The following ATP2B1 variants were observed in gnomAD, a reference collection of about 807,000 sequenced individuals.
ATP2B1 encodes ATPase plasma membrane Ca2+ transporting 1.
In ATP2B1, 14 loss-of-function variants were observed where a neutral mutation model predicts 124.2. That is an observed-to-expected ratio of 0.11 (90% CI 0.07 to 0.18). ATP2B1 has a LOEUF of 0.18. Ranked by LOEUF, ATP2B1 falls within the 10% of genes least tolerant of loss-of-function variation. The pLI, the probability that ATP2B1 is intolerant of heterozygous loss-of-function variation, is 1.00. For missense variants in ATP2B1, 763 were observed against 1,466.1 expected, an observed-to-expected ratio of 0.52 and a Z score of 7.83; for synonymous variants, 449 against 492.4, an observed-to-expected ratio of 0.91 and a Z score of 1.17.
chr12:89,610,811 T>C, intron 13 of ATP2B1: 1 of 352,712 alleles, frequency 2.8e-6, no homozygotes, highest in Non-Finnish European at 5.1e-6. Flanking sequence ...ATCCCCCTAC[T>C]GCCTATGAAA....
intron 1 of ATP2B1, among the ~76,000 whole-genome samples, chr12:89,707,353 A>G (rs1892589032): frequency 6.6e-6 from 1 of 152,214 alleles, no homozygotes. Flanking sequence ...CAAAAGCCTT[A>G]TTTTAAAATA....
chr12:89,629,483 A>T (rs751827437), intron 6 of ATP2B1, among the ~76,000 whole-genome samples: 3 of 152,196 alleles, frequency 2.0e-5, no homozygotes, highest in South Asian at 2.1e-4. Flanking sequence ...ATAGAAAAAA[A>T]ACCTAGAATG....
At chr12:89,637,791 G>A (rs1379031155) in intron 3 of ATP2B1, among the ~76,000 whole-genome samples, 1 of 152,026 alleles carries the variant, frequency 6.6e-6, no homozygotes, top group Non-Finnish European at 1.5e-5. Context: ...ATCATTTGGA[G>A]GTATGTGCTC....
chr12:89,683,086 A>C (rs1022413873), intron 1 of ATP2B1, among the ~76,000 whole-genome samples: 1 of 152,230 alleles, frequency 6.6e-6, no homozygotes, highest in Non-Finnish European at 1.5e-5. Flanking sequence ...ACTTCACTCA[A>C]AAGAGAAATG....
chr12:89,706,202 C>G (rs770419377), intron 1 of ATP2B1, among the ~76,000 whole-genome samples: 3 of 152,098 alleles, frequency 2.0e-5, no homozygotes, highest in Non-Finnish European at 4.4e-5. Flanking sequence ...CTAACATGGT[C>G]TTTATTAAAC....
chr12:89,651,769 T>C (rs1949281468), intron 2 of ATP2B1, among the ~76,000 whole-genome samples: 4 of 152,186 alleles, frequency 2.6e-5, no homozygotes, highest in South Asian at 4.1e-4. Context: ...TACAATGCAG[T>C]GGTTAAAGCA....
chr12:89,637,703 C>G (rs1324163153), intron 3 of ATP2B1, among the ~76,000 whole-genome samples: 1 of 152,026 alleles, frequency 6.6e-6, no homozygotes, highest in Non-Finnish European at 1.5e-5. Context: ...CCAGCTTTAT[C>G]TTTTACTTTC....
intron 7 of ATP2B1, 112 bp from the exon 8 acceptor site, chr12:89,626,727 G>A: frequency 4.0e-6 from 5 of 1,261,506 alleles, no homozygotes; most frequent in Non-Finnish European, 5.3e-6. Context: ...AAAGGTATAA[G>A]CATTCAGCTT....
intron 1 of ATP2B1, among the ~76,000 whole-genome samples, chr12:89,706,951 T>G (rs189546469): frequency 6.6e-6 from 1 of 152,124 alleles, no homozygotes; most frequent in Non-Finnish European, 1.5e-5. Context: ...AGGTAAAAAC[T>G]AAAACGTCCT....
intron 1 of ATP2B1, among the ~76,000 whole-genome samples, chr12:89,700,214 G>A (rs770915694): frequency 4.6e-5 from 7 of 152,158 alleles, no homozygotes; most frequent in Non-Finnish European, 7.4e-5. Context: ...GGGGTTGACT[G>A]ACGAATCCTT....
At chr12:89,602,111 C>T (rs1163538670) in intron 18 of ATP2B1, among the ~76,000 whole-genome samples, 1 of 151,958 alleles carries the variant, frequency 6.6e-6, no homozygotes, top group African/African-American at 2.4e-5. Flanking sequence ...TTCTAAAAGG[C>T]CTAAAATAGT....
In ATP2B1 at chr12:89,596,733, T is replaced by C. The variant is rs961555333; in HGVS notation, c.3351+2384A>G. Among the ~76,000 whole-genome samples the C allele has an allele frequency of 2.0e-5, 3 of 152,160 alleles. No homozygotes were observed. The East Asian group carries it at 5.8e-4, about 29-fold the overall frequency. Reference sequence around the variant, plus strand: ...TTAATTTTTCAACTTGTCTGTAGGTTTGAATTTTTCAAATTTAAAATTTTG... The same window carrying C: ...TTAATTTTTCAACTTGTCTGTAGGTCTGAATTTTTCAAATTTAAAATTTTG... On this transcript the variant is annotated intron_variant, in intron 20 of 20. Coordinates refer to ENST00000428670, the MANE Select transcript of ATP2B1 (RefSeq NM_001366521.1).
At chr12:89,612,230 T>G (rs954734817) in intron 12 of ATP2B1, 1 of 152,216 alleles carries the variant, frequency 6.6e-6, no homozygotes, top group African/African-American at 2.4e-5. Flanking sequence ...CGATGATTCC[T>G]CAGCTGTTAT....
intron 10 of ATP2B1, among the ~76,000 whole-genome samples, chr12:89,621,171 GTTATT>G (rs1259028180): frequency 6.6e-6 from 1 of 152,100 alleles, no homozygotes; most frequent in Non-Finnish European, 1.5e-5. Flanking sequence ...TATAAAACAT[GTTATT>G]TTAAGTTGAA....
chr12:89,589,870 G>A lies in ATP2B1; in HGVS notation c.*1114C>T, dbSNP rs1174884557. On this transcript the variant is annotated 3_prime_UTR_variant, in exon 21 of 21. Transcript: ENST00000428670. ...AGTTTCAAAAACAAAAGGAAAACAT[G>A]TATGCTTCTACTTATTAACCTTTTT... 1 of 152,478 alleles carries A rather than the reference G, an allele frequency of 6.6e-6. No homozygotes were observed. The allele number at this position is 152,478 out of a possible 1,614,324, so 9.4% of individuals were successfully genotyped here. A position where few individuals can be genotyped will look rare whatever the true frequency, so the allele number is the denominator to read the frequency against.
chr12:89,694,661 C>G (rs1890918104), intron 1 of ATP2B1, among the ~76,000 whole-genome samples: 1 of 152,168 alleles, frequency 6.6e-6, no homozygotes, highest in Non-Finnish European at 1.5e-5. Flanking sequence ...GATAGCCTGG[C>G]TTGCTACCTA....
At chr12:89,611,167 A>C in intron 13 of ATP2B1, 26 bp downstream of exon 13, 5 of 1,557,236 alleles carry the variant, frequency 3.2e-6, no homozygotes, top group Non-Finnish European at 3.5e-6. Context: ...CTGTCAACCA[A>C]AAACAAAATA....
chr12:89,696,310 C>A (rs948167621), intron 1 of ATP2B1, among the ~76,000 whole-genome samples: 2 of 152,104 alleles, frequency 1.3e-5, no homozygotes, highest in Non-Finnish European at 2.9e-5. Flanking sequence ...CCACAAACTA[C>A]CAAAATCCTT....
In ATP2B1 at chr12:89,603,701, T is replaced by C. The variant is rs17465678; in HGVS notation, c.2848+11A>G. 55,164 of 1,606,604 alleles carry C rather than the reference T, an allele frequency of 0.034. 1,149 individuals carry two copies. Among genetic ancestry groups the C allele is most frequent in the Non-Finnish European group, 0.041 (48,527 of 1,173,254 alleles). On this transcript the variant is annotated intron_variant, in intron 17 of 20. Transcript: ENST00000428670. The surrounding 1 kb of genome is among the most constrained non-coding windows in gnomAD (Gnocchi z 4.3). ...AATTAACTGAAGCTTTATTAGACAC[T>C]GAATTCTTACCAGCAAATAAGAGTG...
Sources: gnomAD v4.1 joint callset for allele counts (sites outside exome capture counted in the v4.1 genomes callset) on GRCh38, gnomAD v4.1.1 for gene constraint, Gnocchi (gnomAD v3.1) non-coding constraint, MANE v1.5 for transcripts, NCBI Gene and HGNC (gene_info 2026-07-23, HGNC 2026-07-21) for gene names.